The following LRMDA variants were observed in gnomAD, a reference collection of about 807,000 sequenced individuals.
LRMDA encodes leucine rich melanocyte differentiation associated.
A neutral mutation model predicts 29.8 loss-of-function variants in LRMDA; 18 were observed. The ratio of observed to expected loss-of-function variants is 0.60; its 90% CI spans 0.42 to 0.90. The LOEUF is 0.90. LRMDA is among the 40% of genes least tolerant of loss of function. The pLI is 0.00. For synonymous variants in LRMDA, 125 were observed against 109.4 expected (o/e 1.14, Z -0.89); for missense variants, 273 against 273.9 (o/e 1.00, Z 0.02).
chr10:75,491,006 G>C (rs1265181862), intron 2 of LRMDA, among the ~76,000 whole-genome samples: 1 of 152,206 alleles, frequency 6.6e-6, no homozygotes, highest in Non-Finnish European at 1.5e-5. Flanking sequence ...GACGAAGATA[G>C]TTAAGGAATT....
chr10:75,770,932 G>A (rs1589194841), intron 2 of LRMDA, among the ~76,000 whole-genome samples: 1 of 152,202 alleles, frequency 6.6e-6, no homozygotes, highest in African/African-American at 2.4e-5. Context: ...TAAGCAGAGA[G>A]GAATTTAGGC....
chr10:76,517,643 G>T (rs1182948632), intron 6 of LRMDA, among the ~76,000 whole-genome samples: 2 of 151,990 alleles, frequency 1.3e-5, no homozygotes, highest in Admixed American at 6.6e-5. Flanking sequence ...AGTGTGAAAT[G>T]ATTTAAAGGA....
At chr10:75,637,031 A>G (rs1046723379) in intron 2 of LRMDA, among the ~76,000 whole-genome samples, 1 of 152,234 alleles carries the variant, frequency 6.6e-6, no homozygotes, top group African/African-American at 2.4e-5. Context: ...TACTTTTCAC[A>G]TGTAGGAATT....
chr10:75,906,556 A>G (rs1313733580), intron 2 of LRMDA, among the ~76,000 whole-genome samples: 1 of 152,178 alleles, frequency 6.6e-6, no homozygotes, highest in East Asian at 1.9e-4. Flanking sequence ...AAGCAAACCC[A>G]ATTAGTTTCT....
intron 2 of LRMDA, among the ~76,000 whole-genome samples, chr10:75,976,936 AC>A (rs1259678455): frequency 5.3e-5 from 8 of 152,150 alleles, no homozygotes; most frequent in Non-Finnish European, 4.4e-5. Flanking sequence ...TGTTGGGTAA[AC>A]ACAATCATGG....
chr10:75,723,694 G>A (rs940486647), intron 2 of LRMDA, among the ~76,000 whole-genome samples: 1 of 152,196 alleles, frequency 6.6e-6, no homozygotes, highest in Non-Finnish European at 1.5e-5. Context: ...AACAGAAGTG[G>A]CAAGAGCAGG....
intron 6 of LRMDA, among the ~76,000 whole-genome samples, chr10:76,412,364 T>C (rs1269335376): frequency 6.6e-6 from 1 of 152,206 alleles, no homozygotes; most frequent in Non-Finnish European, 1.5e-5. Context: ...ACTCTTCTGA[T>C]GTAAGACTTC....
chr10:75,893,803 A>T (rs1171322563), intron 2 of LRMDA, among the ~76,000 whole-genome samples: 1 of 151,966 alleles, frequency 6.6e-6, no homozygotes, highest in Non-Finnish European at 1.5e-5. Context: ...GCGTGGTGGC[A>T]TGTGCCTGTA....
In LRMDA at chr10:75,796,756, A is replaced by G. The variant is rs190248794; in HGVS notation, c.132-239252A>G. ...CCTGGCTAATTATAGTATTTTTAGT[A>G]GAGATGGGGTTTCGCCATGTTGGCC... On this transcript the variant is annotated intron_variant, in intron 2 of 6. Transcript: ENST00000611255. Among the ~76,000 whole-genome samples, 73 of 152,322 alleles carry G rather than the reference A, an allele frequency of 4.8e-4. No homozygotes were observed. In the East Asian group the frequency reaches 0.012, roughly 25 times the overall value.
At chr10:75,682,840 A>G (rs1040596563) in intron 2 of LRMDA, among the ~76,000 whole-genome samples, 19 of 152,162 alleles carry the variant, frequency 1.2e-4, no homozygotes, top group African/African-American at 4.6e-4. Context: ...TGGCCTGTTA[A>G]AAGTGGACAC....
intron 2 of LRMDA, among the ~76,000 whole-genome samples, chr10:75,668,645 T>C (rs1049636984): frequency 6.6e-6 from 1 of 152,210 alleles, no homozygotes. Flanking sequence ...AAAAATTTTT[T>C]TGAATGAATT....
chr10:76,137,658 T>C (rs1850120157), intron 5 of LRMDA, among the ~76,000 whole-genome samples: 1 of 151,776 alleles, frequency 6.6e-6, no homozygotes. Flanking sequence ...GTTTATGCTA[T>C]AGCCAGATGT....
chr10:75,728,498 A>G (rs908286836), intron 2 of LRMDA, among the ~76,000 whole-genome samples: 1 of 150,816 alleles, frequency 6.6e-6, no homozygotes, highest in African/African-American at 2.4e-5. Flanking sequence ...CAGAGGTGGT[A>G]GACACTGGAA....
chr10:76,525,741 A>G (rs1182354576), intron 6 of LRMDA, among the ~76,000 whole-genome samples: 1 of 152,156 alleles, frequency 6.6e-6, no homozygotes, highest in African/African-American at 2.4e-5. Context: ...TTAACTCTAG[A>G]AGATAAGAGT....
intron 2 of LRMDA, among the ~76,000 whole-genome samples, chr10:75,864,908 A>T (rs1844995686): frequency 6.6e-6 from 1 of 152,200 alleles, no homozygotes; most frequent in African/African-American, 2.4e-5. Flanking sequence ...GTGGTAGGTG[A>T]GTGAATTAGA....
intron 2 of LRMDA, among the ~76,000 whole-genome samples, chr10:75,766,736 C>T (rs941191419): frequency 6.6e-6 from 1 of 152,100 alleles, no homozygotes; most frequent in Non-Finnish European, 1.5e-5. Context: ...ATCAACCCAT[C>T]ATCTAGGTTT....
intron 6 of LRMDA, among the ~76,000 whole-genome samples, chr10:76,429,606 T>C (rs1184442113): frequency 6.6e-6 from 1 of 152,170 alleles, no homozygotes; most frequent in Non-Finnish European, 1.5e-5. Context: ...CACCACTCTA[T>C]TCTTTTCAAA....
chr10:76,490,901 AT>A (rs1842827703), intron 6 of LRMDA, among the ~76,000 whole-genome samples: 1 of 151,756 alleles, frequency 6.6e-6, no homozygotes, highest in African/African-American at 2.4e-5. Context: ...CTCTTGTGGT[AT>A]GATTTAACGT....
At chr10:75,887,221 A>G (rs1845406219) in intron 2 of LRMDA, among the ~76,000 whole-genome samples, 1 of 151,440 alleles carries the variant, frequency 6.6e-6, no homozygotes, top group South Asian at 2.1e-4. Flanking sequence ...GAATGAATTT[A>G]TAGAAAAATA....
Sources: allele counts gnomAD v4.1 joint callset (sites outside exome capture counted in the v4.1 genomes callset), GRCh38; gene constraint gnomAD v4.1.1; transcripts MANE v1.5; gene names NCBI Gene and HGNC (gene_info 2026-07-23, HGNC 2026-07-21).